MTF1: variants seen among roughly 807,000 people sequenced by gnomAD.
The protein encoded by MTF1 is metal regulatory transcription factor 1, also known as MRE-binding transcription factor.
Under a neutral mutation model 70.4 loss-of-function variants are expected in MTF1, and 22 were observed. The observed-to-expected ratio is 0.31, with a 90% confidence interval of 0.22 to 0.45. The LOEUF is 0.45. MTF1 is among the 20% of genes least tolerant of loss of function. The probability of loss-of-function intolerance (pLI) is 1.00; values close to 1 mark genes in which losing one functional copy is unlikely to be tolerated. For synonymous variants in MTF1, 333 were observed against 352.8 expected, an observed-to-expected ratio of 0.94 and a Z score of 0.63; for missense variants, 649 against 922.0, an observed-to-expected ratio of 0.70 and a Z score of 3.83.
intron 7 of MTF1, chr1:37,828,315 T>C: frequency 2.6e-6 from 1 of 390,680 alleles, no homozygotes; most frequent in South Asian, 1.8e-5. Flanking sequence ...TTGTTTTCTT[T>C]TGTTCTGAGA....
At chr1:37,843,776 T>C (rs907998056) in intron 2 of MTF1, among the ~76,000 whole-genome samples, 3 of 152,252 alleles carry the variant, frequency 2.0e-5, no homozygotes, top group Non-Finnish European at 2.9e-5. Flanking sequence ...CTGGATGGAT[T>C]TGGCCTGTAG....
chr1:37,836,270 G>A (rs998162393), intron 4 of MTF1, among the ~76,000 whole-genome samples: 2 of 152,094 alleles, frequency 1.3e-5, no homozygotes, highest in African/African-American at 4.8e-5. Context: ...TGTCCTACAG[G>A]TAAGGTCCAT....
chr1:37,859,467 G>A, intron 1 of MTF1, 64 bp downstream of exon 1: 1 of 398,690 alleles, frequency 2.5e-6, no homozygotes, highest in Non-Finnish European at 4.4e-6. Context: ...CTTCAGGAGG[G>A]AGCCTAAGTC....
intron 2 of MTF1, among the ~76,000 whole-genome samples, chr1:37,845,434 G>C (rs1246845970): frequency 6.6e-6 from 1 of 152,202 alleles, no homozygotes; most frequent in African/African-American, 2.4e-5. Flanking sequence ...GAGAAAGAGA[G>C]GGGAGGGGGC....
At chr1:37,834,585 A>G (rs1333727304) in intron 6 of MTF1, 1 of 455,430 alleles carries the variant, frequency 2.2e-6, no homozygotes, top group Admixed American at 2.4e-5. Context: ...AGGACAGTCT[A>G]TTGTGGAGTG....
At position 37,815,121 on chromosome 1, in the gene MTF1, G is replaced by A; in HGVS notation, c.*15C>T. 1.9e-6 allele frequency: 3 copies of A among 1,611,778 alleles called. No individual in the cohort carries two copies. Among genetic ancestry groups the A allele is most frequent in the Non-Finnish European group, 2.5e-6 (3 of 1,178,322 alleles). On this transcript the variant is annotated 3_prime_UTR_variant, in exon 11 of 11. Transcript: ENST00000373036. This position sits in a 1 kb window ranked among gnomAD's most constrained non-coding sequence, Gnocchi z 4.5. ...GCTCACCCGCTTTTCCCAGAGGTGAGCACACATGGGCCCTTCACTTGGAGA... is the reference window on the plus strand; with the variant it reads ...GCTCACCCGCTTTTCCCAGAGGTGAACACACATGGGCCCTTCACTTGGAGA...
At position 37,823,772 on chromosome 1, in the gene MTF1, A is replaced by T; in HGVS notation, c.1109T>A (p.Ile370Asn). The T allele has an allele frequency of 6.2e-7, 1 of 1,614,088 alleles. No homozygotes were observed. ...TGAATTCTGGAACATTGATTCAAAG[A>T]TGATTGCTGGTGAAATTGTGCTGAG... Reference protein sequence around the residue: ...QDLSTISPAIIFESMFQNSDD... With the variant: ...QDLSTISPAINFESMFQNSDD... The change falls in exon 8 of 11, where the codon ATC becomes AAC. Residue 370 changes from isoleucine (I) to asparagine (N), a missense_variant. Transcript: ENST00000373036.
intron 6 of MTF1, among the ~76,000 whole-genome samples, chr1:37,833,590 T>C (rs1641120135): frequency 6.6e-6 from 1 of 152,148 alleles, no homozygotes. Flanking sequence ...GACCCAGGGA[T>C]ACATTAATGA....
intron 7 of MTF1, among the ~76,000 whole-genome samples, chr1:37,831,927 T>C (rs1438955214): frequency 6.6e-6 from 1 of 152,218 alleles, no homozygotes; most frequent in African/African-American, 2.4e-5. Flanking sequence ...GGACAAACTA[T>C]ACCAACATTT....
intron 4 of MTF1, among the ~76,000 whole-genome samples, chr1:37,836,326 G>C (rs1222047398): frequency 6.6e-6 from 1 of 152,110 alleles, no homozygotes; most frequent in Non-Finnish European, 1.5e-5. Context: ...TTACTTAACA[G>C]ACCTCTGTTG....
chr1:37,856,497 TTC>T (rs1641497068), intron 2 of MTF1, among the ~76,000 whole-genome samples: 1 of 137,960 alleles, frequency 7.2e-6, no homozygotes, highest in South Asian at 2.3e-4. Context: ...CTGAATTTCT[TTC>T]TTTTTTTTTT....
intron 3 of MTF1, 41 bp from the exon 4 acceptor site, chr1:37,838,797 C>CTTTTTTTTTTTTTTTTTGTTT (rs1641210090): frequency 2.4e-6 from 1 of 421,154 alleles, no homozygotes; most frequent in African/African-American, 2.9e-5. Context: ...TCATAAAATT[C>CTTTTTTTTTTTTTTTTTGTTT]TTTTTTTTTT....
chr1:37,836,498 T>A (rs1641172593), intron 4 of MTF1, among the ~76,000 whole-genome samples: 2 of 152,174 alleles, frequency 1.3e-5, no homozygotes, highest in Non-Finnish European at 2.9e-5. Context: ...TGTGTCGAGA[T>A]CTACTTCATT....
intron 2 of MTF1, among the ~76,000 whole-genome samples, chr1:37,848,803 G>A (rs1387329069): frequency 6.6e-6 from 1 of 152,212 alleles, no homozygotes; most frequent in Non-Finnish European, 1.5e-5. Context: ...AGCCATCAGA[G>A]TTCAGAAGGG....
Position 37,815,699 on chromosome 1 carries a change from T to G in MTF1, c.1832-133A>C, listed in dbSNP as rs1339084208. 3.2e-6 allele frequency: 2 copies of G among 629,624 alleles called. No homozygotes were observed. The highest frequency in any genetic ancestry group is 2.6e-6 in the Non-Finnish European group (1 of 379,782). The allele number at this position is 629,624 out of a possible 1,614,324, so 39.0% of individuals were successfully genotyped here. A position where few individuals can be genotyped will look rare whatever the true frequency, so the allele number is the denominator to read the frequency against. On this transcript the variant is annotated intron_variant, in intron 10 of 10. Coordinates refer to ENST00000373036, the MANE Select transcript of MTF1 (RefSeq NM_005955.3). This position sits in a 1 kb window ranked among gnomAD's most constrained non-coding sequence, Gnocchi z 4.5. ...GAAGGATGGTTGCCACACTTCGGGC[T>G]TCGTTCTGCTTTAAATTGGACCACA...
At position 37,822,112 on chromosome 1, in the gene MTF1, A is replaced by T. The variant is rs1478150887; in HGVS notation, c.1767+9T>A. 6.3e-7 allele frequency: 1 copy of T among 1,576,572 alleles called. No individual in the cohort carries two copies. Among genetic ancestry groups the T allele is most frequent in the Non-Finnish European group, 8.6e-7 (1 of 1,157,256 alleles). On this transcript the variant is annotated intron_variant, in intron 9 of 10. Coordinates refer to ENST00000373036, the MANE Select transcript of MTF1 (RefSeq NM_005955.3). Reference sequence around the variant, plus strand: ...CACCCCACTGGGTATATTCATACATAATACTTACAATTTGTTCTTGGTTTT... The same window carrying T: ...CACCCCACTGGGTATATTCATACATTATACTTACAATTTGTTCTTGGTTTT...
Position 37,857,200 on chromosome 1 carries a change from T to C in MTF1, c.408+51A>G, listed in dbSNP as rs753385226. The C allele has an allele frequency of 1.9e-6, 3 of 1,560,840 alleles. No individual in the cohort carries two copies. The African/African-American group carries it at 4.1e-5, about 21-fold the overall frequency. The stretch of plus-strand genomic sequence containing the variant: ...GCTAAAATTTGCACCAAGAATTTTG[T>C]AAGGACTTGCCCCAAAACCAAACTA... On this transcript the variant is annotated intron_variant, in intron 2 of 10. Transcript: ENST00000373036.
chr1:37,828,915 G>A (rs951071914), intron 7 of MTF1, among the ~76,000 whole-genome samples: 5 of 152,066 alleles, frequency 3.3e-5, no homozygotes, highest in Non-Finnish European at 7.4e-5. Flanking sequence ...AGCTGTCTGG[G>A]ACCAGGATGG....
At chr1:37,846,203 A>C (rs1449324697) in intron 2 of MTF1, among the ~76,000 whole-genome samples, 1 of 152,184 alleles carries the variant, frequency 6.6e-6, no homozygotes, top group Non-Finnish European at 1.5e-5. Flanking sequence ...TCAAAGTCAA[A>C]AGGAAAATCA....
Sources: allele counts gnomAD v4.1 joint callset (sites outside exome capture counted in the v4.1 genomes callset), GRCh38; gene constraint gnomAD v4.1.1; non-coding constraint Gnocchi (gnomAD v3.1); transcripts MANE v1.5; gene names NCBI Gene and HGNC (gene_info 2026-07-23, HGNC 2026-07-21).